Variants in INTS6 observed in about 807,000 individuals in gnomAD.
INTS6 encodes the protein DEAD box protein.
Under a neutral mutation model 104.9 loss-of-function variants are expected in INTS6, and 16 were observed. The observed-to-expected ratio is 0.15, with a 90% CI of 0.10 to 0.23. The LOEUF is 0.23. Among genes scored for constraint, INTS6 ranks in the 10% least tolerant of loss-of-function variants. INTS6 has a pLI of 1.00. For missense variants in INTS6, 584 were observed against 1,062.8 expected (o/e 0.55, Z 6.26); for synonymous variants, 324 against 358.7 (o/e 0.90, Z 1.09).
chr13:51,393,073 A>C (rs1956271986), intron 5 of INTS6, among the ~76,000 whole-genome samples: 1 of 150,362 alleles, frequency 6.7e-6, no homozygotes, highest in African/African-American at 2.5e-5. Flanking sequence ...TAAACAACTA[A>C]ATTTTTTTTT....
At chr13:51,445,302 C>G (rs1952888920) in intron 3 of INTS6, 1 of 152,096 alleles carries the variant, frequency 6.6e-6, no homozygotes. Context: ...TTTTCTTTCA[C>G]ACCTGCTTTT....
At chr13:51,417,933 A>G (rs1956822443) in intron 4 of INTS6, among the ~76,000 whole-genome samples, 1 of 152,200 alleles carries the variant, frequency 6.6e-6, no homozygotes, top group South Asian at 2.1e-4. Context: ...TAGAGTGTAA[A>G]GAGCAATGGA....
At position 51,417,857 on chromosome 13, in the gene INTS6, C is replaced by T. The variant is rs372434860; in HGVS notation, c.429+12437G>A. On this transcript the variant is annotated intron_variant, in intron 4 of 17. Transcript: ENST00000311234. The stretch of plus-strand genomic sequence containing the variant: ...CTGCTAGACTCTCAATTCTATCTCA[C>T]TGACCTATATGACTGTCCTTATGCA... Among the ~76,000 whole-genome samples the T allele has an allele frequency of 2.4e-4, 36 of 152,354 alleles. No individual in the cohort carries two copies. The South Asian group carries it at 6.8e-3, about 29-fold the overall frequency.
chr13:51,336,221 C>T, the INTS6 span, among the ~76,000 whole-genome samples: 2 of 152,176 alleles, frequency 1.3e-5, no homozygotes, highest in Non-Finnish European at 2.9e-5. Context: ...GATGCGGTGG[C>T]TCACGCTTGT....
At chr13:51,337,733 A>C in the INTS6 span, among the ~76,000 whole-genome samples, 1 of 152,218 alleles carries the variant, frequency 6.6e-6, no homozygotes, top group Non-Finnish European at 1.5e-5. Context: ...ATTCATTGCA[A>C]TTGTGAATGG....
intron 4 of INTS6, among the ~76,000 whole-genome samples, chr13:51,397,812 G>A (rs1019083493): frequency 7.3e-5 from 11 of 150,150 alleles, no homozygotes; most frequent in East Asian, 1.9e-4. Context: ...GGCACTGCGC[G>A]GACCACACAC....
chr13:51,368,178 T>C (rs1955730386), intron 16 of INTS6, among the ~76,000 whole-genome samples: 1 of 152,122 alleles, frequency 6.6e-6, no homozygotes, highest in South Asian at 2.1e-4. Flanking sequence ...AGCTTTATGG[T>C]AGTATCACTA....
intron 15 of INTS6, among the ~76,000 whole-genome samples, chr13:51,371,425 T>A (rs1955800442): frequency 6.6e-6 from 1 of 152,190 alleles, no homozygotes; most frequent in Non-Finnish European, 1.5e-5. Flanking sequence ...ATATCCCTTC[T>A]AAGTAGCCAA....
chr13:51,374,309 T>C lies in INTS6; in HGVS notation c.2003A>G (p.Gln668Arg). The change falls in exon 15 of 18, where the codon CAG (glutamine) becomes CGG (arginine). Residue 668 changes from glutamine (Q) to arginine (R), a missense_variant. Gln to Arg is a conservative substitution (Grantham distance 43). Coordinates refer to ENST00000311234, the MANE Select transcript of INTS6 (RefSeq NM_012141.3). ...ATGATTGTTTACAACAGGATTCTGC[T>C]GTCTGCCTCTTAGTAGTGGAGACAT... Reference protein sequence around the residue: ...RCMSPLLRGRQQNPVVNNHIG... With the variant: ...RCMSPLLRGRRQNPVVNNHIG... 3.1e-6 allele frequency: 5 copies of C among 1,614,186 alleles called. No homozygotes were observed. Among genetic ancestry groups the C allele is most frequent in the Non-Finnish European group, 4.2e-6 (5 of 1,179,996 alleles).
chr13:51,367,773 C>T (rs1045530501), intron 17 of INTS6, 32 bp downstream of exon 17: 3 of 1,233,846 alleles, frequency 2.4e-6, no homozygotes, highest in African/African-American at 3.0e-5. Context: ...CTCATTTCAT[C>T]ACCATTTCAT....
Position 51,432,131 on chromosome 13 carries a change from C to T in INTS6, c.340-1748G>A, listed in dbSNP as rs543223217. 3.9e-5 allele frequency among the ~76,000 whole-genome samples: 6 copies of T among 152,244 alleles called. No individual in the cohort carries two copies. The South Asian group carries it at 6.2e-4, about 16-fold the overall frequency. On this transcript the variant is annotated intron_variant, in intron 3 of 17. Transcript: ENST00000311234. ...CCAGTTTAAATCTCTGCATTTTCCA[C>T]GAAGCCTTCCCTGATTACTATGGCC...
intron 9 of INTS6, among the ~76,000 whole-genome samples, 155 bp downstream of exon 9, chr13:51,383,174 G>A (rs187705484): frequency 3.4e-5 from 5 of 146,478 alleles, no homozygotes; most frequent in African/African-American, 7.6e-5. Flanking sequence ...CTGTAAACAC[G>A]AACAGATTGT....
rs186078874 is a variant in INTS6 at position 51,399,947 on chromosome 13, T to C, written c.430-4464A>G. On this transcript the variant is annotated intron_variant, in intron 4 of 17. Coordinates refer to ENST00000311234, the MANE Select transcript of INTS6 (RefSeq NM_012141.3). ...GTCTTTTATTGCAGGGATCCCCAAG[T>C]CTGTGGCCTGTTAAGGAATGGGGCC... Among the ~76,000 whole-genome samples, 260 of 152,332 alleles carry C rather than the reference T, an allele frequency of 1.7e-3. 1 individual carries two copies. Among genetic ancestry groups the C allele is most frequent in the Non-Finnish European group, 3.1e-3 (208 of 68,018 alleles).
intron 16 of INTS6, 53 bp from the exon 17 acceptor site, chr13:51,367,951 TATTC>T: frequency 3.2e-6 from 3 of 929,738 alleles, no homozygotes; most frequent in Non-Finnish European, 4.9e-6. Context: ...TTTGTATTCT[TATTC>T]AATATTCTTC....
chr13:51,349,935 TA>T (rs1955388572), downstream of INTS6, among the ~76,000 whole-genome samples: 1 of 152,218 alleles, frequency 6.6e-6, no homozygotes, highest in East Asian at 1.9e-4. Context: ...TGTTTGTTTT[TA>T]AGCTAGCTTT....
chr13:51,422,158 C>G (rs537153250), intron 4 of INTS6, among the ~76,000 whole-genome samples: 2 of 152,178 alleles, frequency 1.3e-5, no homozygotes, highest in African/African-American at 4.8e-5. Context: ...CATCCTTACA[C>G]GAAAGGTAAT....
Position 51,369,091 on chromosome 13 carries a change from T to A in INTS6, c.2324A>T (p.Glu775Val), listed in dbSNP as rs763679941. ...LTVGGFLENH[E>V]EPRDKEQCAE... ...ACATTGTTCTTTATCTCTTGGCTCC[T>A]CATGATTTTCTAAAAATCCACCAAC... is the stretch of plus-strand genomic sequence containing the variant. The change falls in exon 16 of 18, where the codon GAG becomes GTG. Residue 775 changes from glutamate (E) to valine (V), a missense_variant. Physicochemically the swap from Glu to Val is moderately radical, Grantham distance 121 (BLOSUM62 -2). Coordinates refer to ENST00000311234, the MANE Select transcript of INTS6 (RefSeq NM_012141.3). 6.2e-7 allele frequency: 1 copy of A among 1,613,892 alleles called. No homozygotes were observed. The highest frequency in any genetic ancestry group is 8.5e-7 in the Non-Finnish European group (1 of 1,179,840).
intron 4 of INTS6, among the ~76,000 whole-genome samples, chr13:51,401,813 C>A (rs1052347094): frequency 6.6e-6 from 1 of 152,016 alleles, no homozygotes; most frequent in African/African-American, 2.4e-5. Flanking sequence ...AAACACTGTG[C>A]TCTTAAACAC....
chr13:51,451,377 G>A, intron 2 of INTS6: 3 of 378,554 alleles, frequency 7.9e-6, no homozygotes, highest in Non-Finnish European at 1.4e-5. Flanking sequence ...GGTTTTGGTA[G>A]TTAACTGCCT....
Sources: gnomAD v4.1 joint callset for allele counts (sites outside exome capture counted in the v4.1 genomes callset) on GRCh38, gnomAD v4.1.1 for gene constraint, MANE v1.5 for transcripts, NCBI Gene and HGNC (gene_info 2026-07-23, HGNC 2026-07-21) for gene names.